The following COPB1 variants were observed in gnomAD, a reference collection of about 807,000 sequenced individuals.
The protein encoded by COPB1 is coat protein complex I subunit beta 1.
In COPB1, 21 loss-of-function variants were observed where a neutral mutation model predicts 108.7. That is an observed-to-expected ratio of 0.19 (90% CI 0.14 to 0.28). COPB1 has a LOEUF of 0.28. Among genes scored for constraint, COPB1 ranks in the 10% least tolerant of loss-of-function variants. COPB1 has a pLI of 1.00. For missense variants in COPB1, 919 were observed against 1,141.3 expected (o/e 0.81, Z 2.81); for synonymous variants, 378 against 386.8 (o/e 0.98, Z 0.27).
At chr11:14,494,618 CT>C in intron 2 of COPB1, 179 bp from the exon 3 acceptor site, 1 of 535,326 alleles carries the variant, frequency 1.9e-6, no homozygotes, top group Non-Finnish European at 3.3e-6. Flanking sequence ...AATAATCTGT[CT>C]TTGCTCAAGT....
At chr11:14,477,896 CAAA>C (rs1289045044) in intron 11 of COPB1, among the ~76,000 whole-genome samples, 4 of 59,920 alleles carry the variant, frequency 6.7e-5, no homozygotes, top group East Asian at 5.4e-4. Flanking sequence ...GACTCCATCT[CAAA>C]AAAAAAAAAA....
intron 7 of COPB1, among the ~76,000 whole-genome samples, chr11:14,484,643 G>A (rs949487478): frequency 6.6e-6 from 1 of 152,130 alleles, no homozygotes; most frequent in African/African-American, 2.4e-5. Context: ...ACTTGAATCT[G>A]GGAGGCGGAG....
At chr11:14,469,246 C>T in intron 15 of COPB1, 90 bp downstream of exon 15, 2 of 1,093,096 alleles carry the variant, frequency 1.8e-6, no homozygotes, top group Admixed American at 3.5e-5. Flanking sequence ...GTCCTCCTGC[C>T]TCAGCCTCCC....
At position 14,494,332 on chromosome 11, in the gene COPB1, G is replaced by C. The variant is rs767535069; in HGVS notation, c.199C>G (p.Leu67Val). The change falls in exon 3 of 22, where the codon CTA (leucine) becomes GTA (valine). Residue 67 changes from leucine to valine, a missense_variant. Physicochemically the swap from Leu to Val is conservative, Grantham distance 32. Coordinates refer to ENST00000439561, the MANE Select transcript of COPB1 (RefSeq NM_001144061.2). Reference sequence around the variant, plus strand: ...TTGATAGTGTGATCCTGAAGAGGTAGCACAAAACGAATGATGGTCATCAGA... The same window carrying C: ...TTGATAGTGTGATCCTGAAGAGGTACCACAAAACGAATGATGGTCATCAGA... ...GLLMTIIRFV[L>V]PLQDHTIKKL... 1.9e-6 allele frequency: 3 copies of C among 1,613,044 alleles called. No individual in the cohort carries two copies.
intron 6 of COPB1, 77 bp from the exon 7 acceptor site, chr11:14,486,581 G>A (rs779798513): frequency 6.5e-7 from 1 of 1,544,482 alleles, no homozygotes. Context: ...ATGAATGTCA[G>A]CTTATGGGAT....
At chr11:14,478,746 C>A (rs1371686044) in intron 11 of COPB1, 1 of 151,772 alleles carries the variant, frequency 6.6e-6, no homozygotes, top group Non-Finnish European at 1.5e-5. Context: ...GCCACCATAC[C>A]CAGCCAACAA....
intron 14 of COPB1, among the ~76,000 whole-genome samples, chr11:14,473,149 A>G (rs1164167638): frequency 6.6e-6 from 1 of 151,858 alleles, no homozygotes; most frequent in Non-Finnish European, 1.5e-5. Flanking sequence ...TAATTTTTGT[A>G]TTTTTAGTAG....
intron 18 of COPB1, among the ~76,000 whole-genome samples, chr11:14,463,580 A>T (rs1302386776): frequency 6.6e-6 from 1 of 152,196 alleles, no homozygotes; most frequent in Non-Finnish European, 1.5e-5. Context: ...TCGGTCTCCC[A>T]AAGTGCTGGA....
At chr11:14,495,517 A>G (rs1020731639) in intron 2 of COPB1, among the ~76,000 whole-genome samples, 2 of 152,192 alleles carry the variant, frequency 1.3e-5, no homozygotes, top group South Asian at 4.1e-4. Flanking sequence ...TCTTCATTTA[A>G]TAGCCACTTA....
At position 14,465,005 on chromosome 11, in the gene COPB1, C is replaced by T. The variant is rs567593749; in HGVS notation, c.2316G>A (p.Pro772=). The T allele has an allele frequency of 2.9e-5, 47 of 1,606,842 alleles. No individual in the cohort carries two copies. Among genetic ancestry groups the T allele is most frequent in the South Asian group, 1.3e-4 (12 of 90,898 alleles). ...TLGDLKLVEK[P]SPLTLAPHDF... ...CATGAGGAGCAAGAGTCAAAGGAGA[C>T]GGCTTTTCCACAAGTTTCAGATCCC... Residue 772 remains proline, a synonymous_variant, in exon 18 of 22, where the codon CCG becomes CCA. Transcript: ENST00000439561.
intron 2 of COPB1, among the ~76,000 whole-genome samples, chr11:14,495,624 A>G (rs1012914290): frequency 1.3e-5 from 2 of 152,190 alleles, no homozygotes; most frequent in African/African-American, 4.8e-5. Flanking sequence ...TCAGCTTCCC[A>G]AAGTGCTGGG....
chr11:14,494,696 T>C (rs1850978798), intron 2 of COPB1: 2 of 335,648 alleles, frequency 6.0e-6, no homozygotes. Context: ...TTCTGGTTCC[T>C]AACCAATTGA....
chr11:14,458,701 G>A lies in COPB1; in HGVS notation c.2647-14C>T, dbSNP rs1324796850. ...ACCAGAAAGGGCCTGGAAAAAATTTGTGATAAATTCATTACTTTACCAGAT... is the reference window on the plus strand; with the variant it reads ...ACCAGAAAGGGCCTGGAAAAAATTTATGATAAATTCATTACTTTACCAGAT... On this transcript the variant is annotated splice_polypyrimidine_tract_variant and intron_variant, in intron 20 of 21. Coordinates refer to ENST00000439561, the MANE Select transcript of COPB1 (RefSeq NM_001144061.2). 6.2e-7 allele frequency: 1 copy of A among 1,603,924 alleles called. No individual in the cohort carries two copies. The highest frequency in any genetic ancestry group is 1.1e-5 in the South Asian group (1 of 90,074).
chr11:14,484,903 G>A (rs1271865888), intron 7 of COPB1, among the ~76,000 whole-genome samples: 1 of 152,148 alleles, frequency 6.6e-6, no homozygotes, highest in Admixed American at 6.5e-5. Flanking sequence ...TAGATTAGGG[G>A]CTGATGATAT....
At position 14,498,893 on chromosome 11, in the gene COPB1, A is replaced by T; in HGVS notation, c.36T>A (p.Ile12=). ...TAAENVCYTL[I]NVPMDSEPPS... is the part of the protein sequence containing the mutation. ...GTGGTTCTGAATCCATTGGCACGTT[A>T]ATTAACGTGTAGCATACGTTCTCAG... The change falls in exon 2 of 22, where the codon ATT becomes ATA. Residue 12 remains isoleucine, a synonymous_variant. Coordinates refer to ENST00000439561, the MANE Select transcript of COPB1 (RefSeq NM_001144061.2). The T allele has an allele frequency of 6.2e-7, 1 of 1,611,328 alleles. No homozygotes were observed.
At chr11:14,484,305 A>C (rs1266609462) in intron 7 of COPB1, among the ~76,000 whole-genome samples, 2 of 152,244 alleles carry the variant, frequency 1.3e-5, no homozygotes, top group Non-Finnish European at 2.9e-5. Context: ...AACTGATGAA[A>C]TATGAATAAA....
At chr11:14,471,387 G>A (rs1850398468) in intron 14 of COPB1, among the ~76,000 whole-genome samples, 1 of 152,128 alleles carries the variant, frequency 6.6e-6, no homozygotes, top group South Asian at 2.1e-4. Context: ...CCAACTTCCA[G>A]AAGTGATGCA....
chr11:14,469,430 G>A lies in COPB1; in HGVS notation c.1871C>T (p.Ser624Leu). The A allele has an allele frequency of 6.2e-7, 1 of 1,614,114 alleles. No individual in the cohort carries two copies. Among genetic ancestry groups the A allele is most frequent in the South Asian group, 1.1e-5 (1 of 91,074 alleles). Reference protein sequence around the residue: ...SLCLKVLSECSPLMNDIFNKE... With the variant: ...SLCLKVLSECLPLMNDIFNKE... ...ATTGAAAATGTCATTCATTAAAGGTGAACATTCAGACAAGACCTTGAGGCA... is the reference window on the plus strand; with the variant it reads ...ATTGAAAATGTCATTCATTAAAGGTAAACATTCAGACAAGACCTTGAGGCA... The change falls in exon 15 of 22, where the codon TCA (serine) becomes TTA (leucine). Residue 624 changes from serine to leucine, a missense_variant. Physicochemically the swap from Ser to Leu is moderately radical, Grantham distance 145. Coordinates refer to ENST00000439561, the MANE Select transcript of COPB1 (RefSeq NM_001144061.2).
chr11:14,466,388 T>C lies in COPB1; in HGVS notation c.2184A>G (p.Ala728=), dbSNP rs1211868345. 3 of 1,613,100 alleles carry C rather than the reference T, an allele frequency of 1.9e-6. No homozygotes were observed. The highest frequency in any genetic ancestry group is 1.7e-5 in the Admixed American group (1 of 60,014). ...ATTGGTTGACATGAACGTAAGCTTC[T>C]GCATATACAGGATCTGAGAAACCTG... ...QLTGFSDPVY[A]EAYVHVNQYD... Residue 728 remains alanine (A), a synonymous_variant, in exon 17 of 22, where the codon GCA becomes GCG. Coordinates refer to ENST00000439561, the MANE Select transcript of COPB1 (RefSeq NM_001144061.2).
Sources: allele counts gnomAD v4.1 joint callset (sites outside exome capture counted in the v4.1 genomes callset), GRCh38; gene constraint gnomAD v4.1.1; transcripts MANE v1.5; gene names NCBI Gene and HGNC (gene_info 2026-07-23, HGNC 2026-07-21).